The following AGAP1 variants were observed in gnomAD, a reference collection of about 807,000 sequenced individuals.
AGAP1 encodes arf-GAP with GTPase, ANK repeat and PH domain-containing protein 1.
In AGAP1, 29 loss-of-function variants were observed where a neutral mutation model predicts 105.3. The observed-to-expected ratio is 0.28, with a 90% CI of 0.21 to 0.38. The LOEUF (loss-of-function observed/expected upper bound fraction) is 0.38. Ranked by LOEUF, AGAP1 falls within the 10% of genes least tolerant of loss-of-function variation. The pLI is 1.00. For missense variants in AGAP1, 998 were observed against 1,165.1 expected (o/e 0.86, Z 2.09); for synonymous variants, 509 against 485.9 (o/e 1.05, Z -0.63).
intron 11 of AGAP1, among the ~76,000 whole-genome samples, chr2:235,911,639 G>C (rs1465503799): frequency 6.6e-6 from 1 of 152,258 alleles, no homozygotes; most frequent in Non-Finnish European, 1.5e-5. Flanking sequence ...GGAGTCGGCT[G>C]TGGCATGGGC....
intron 6 of AGAP1, among the ~76,000 whole-genome samples, chr2:235,756,044 C>T (rs540419926): frequency 3.3e-5 from 5 of 152,322 alleles, no homozygotes; most frequent in South Asian, 4.1e-4. Context: ...GAGCATTACA[C>T]GTGCACCTTG....
chr2:235,903,170 T>C (rs1043196429), intron 10 of AGAP1, among the ~76,000 whole-genome samples: 2 of 152,190 alleles, frequency 1.3e-5, no homozygotes, highest in Admixed American at 1.3e-4. Flanking sequence ...TCAACATACA[T>C]GTACAGTTAT....
Position 236,014,429 on chromosome 2 carries a change from C to T in AGAP1, c.1646-22132C>T, listed in dbSNP as rs968127284. ...TTTGGCCGAATCAAAGGGCTTGTGG[C>T]GACTGGCATCATAGCTCCTTCAAAG... On this transcript the variant is annotated intron_variant, in intron 13 of 17. Coordinates refer to ENST00000304032, the MANE Select transcript of AGAP1 (RefSeq NM_001037131.3). The surrounding 1 kb of genome is among the most constrained non-coding windows in gnomAD (Gnocchi z 6.3). Among the ~76,000 whole-genome samples, 13 of 152,188 alleles carry T rather than the reference C, an allele frequency of 8.5e-5. No homozygotes were observed. The highest frequency in any genetic ancestry group is 2.2e-4 in the African/African-American group (9 of 41,454).
chr2:235,930,670 A>G lies in AGAP1; in HGVS notation c.1325-95A>G, dbSNP rs906064066. 8.4e-5 allele frequency: 106 copies of G among 1,268,066 alleles called. No individual in the cohort carries two copies. The highest frequency in any genetic ancestry group is 2.6e-4 in the Admixed American group (12 of 45,364). 78.6% of individuals were successfully genotyped at this position (1,268,066 alleles called of 1,614,324 possible). Reference sequence around the variant, plus strand: ...GGGGCTGCTCTCGGTGGTAAGGTGCACTATGTGCCAGCGTGTGGGTCCCAT... The same window carrying G: ...GGGGCTGCTCTCGGTGGTAAGGTGCGCTATGTGCCAGCGTGTGGGTCCCAT... On this transcript the variant is annotated intron_variant, in intron 11 of 17. Transcript: ENST00000304032. The surrounding 1 kb of genome is among the most constrained non-coding windows in gnomAD (Gnocchi z 7.9).
intron 9 of AGAP1, among the ~76,000 whole-genome samples, chr2:235,871,389 C>G (rs965793087): frequency 6.6e-6 from 1 of 152,208 alleles, no homozygotes; most frequent in African/African-American, 2.4e-5. Context: ...TCACGAGGCA[C>G]TCTTGCTATG....
At chr2:235,969,486 A>G (rs1575924342) in intron 13 of AGAP1, among the ~76,000 whole-genome samples, 1 of 152,220 alleles carries the variant, frequency 6.6e-6, no homozygotes, top group South Asian at 2.1e-4. Flanking sequence ...CCGACATGGT[A>G]AAAGCGTGTC....
At chr2:235,616,984 A>G (rs575738661) in intron 1 of AGAP1, among the ~76,000 whole-genome samples, 1 of 152,036 alleles carries the variant, frequency 6.6e-6, no homozygotes, top group African/African-American at 2.4e-5. Context: ...TAAGCTTGGA[A>G]AGAGTTGAAA....
Position 236,050,005 on chromosome 2 carries a change from G to A in AGAP1, c.2114+724G>A, listed in dbSNP as rs1444245786. ...ATCTCCGTACTTGTCTAAAGCAAGT[G>A]GCTTCCAGGGTTGCTCATTTTCACC... On this transcript the variant is annotated intron_variant, in intron 16 of 17. Coordinates refer to ENST00000304032, the MANE Select transcript of AGAP1 (RefSeq NM_001037131.3). This position sits in a 1 kb window ranked among gnomAD's most constrained non-coding sequence, Gnocchi z 4.0. Among the ~76,000 whole-genome samples, 1 of 152,190 alleles carries A rather than the reference G, an allele frequency of 6.6e-6. No individual in the cohort carries two copies. The highest frequency in any genetic ancestry group is 1.9e-4 in the East Asian group (1 of 5,194).
At chr2:235,607,078 C>T (rs1945966766) in intron 1 of AGAP1, among the ~76,000 whole-genome samples, 1 of 151,184 alleles carries the variant, frequency 6.6e-6, no homozygotes, top group African/African-American at 2.4e-5. Flanking sequence ...TTATTGTTTA[C>T]ATCCCACTGA....
chr2:235,803,579 T>A (rs1478899365), intron 8 of AGAP1, among the ~76,000 whole-genome samples: 6 of 152,186 alleles, frequency 3.9e-5, no homozygotes. Context: ...TATTAGAACA[T>A]CATAAAGAGG....
At chr2:235,696,277 C>A (rs1287346524) in intron 1 of AGAP1, among the ~76,000 whole-genome samples, 5 of 152,190 alleles carry the variant, frequency 3.3e-5, no homozygotes, top group African/African-American at 1.2e-4. Context: ...AACTCCTGAC[C>A]TCGGGTGATC....
rs186550434 is a variant in AGAP1 at position 235,703,804 on chromosome 2, C to T, written c.164-5375C>T. ...TAGAGATGGAGTTTTGCCATGTTGACGAGGCTAGTCTGGAACTCCTGACCT... is the reference window on the plus strand; with the variant it reads ...TAGAGATGGAGTTTTGCCATGTTGATGAGGCTAGTCTGGAACTCCTGACCT... On this transcript the variant is annotated intron_variant, in intron 1 of 17. Coordinates refer to ENST00000304032, the MANE Select transcript of AGAP1 (RefSeq NM_001037131.3). Among the ~76,000 whole-genome samples, 134 of 152,176 alleles carry T rather than the reference C, an allele frequency of 8.8e-4. 1 individual carries two copies. The highest frequency in any genetic ancestry group is 3.0e-3 in the African/African-American group (125 of 41,518).
Position 235,883,842 on chromosome 2 carries a change from A to G in AGAP1, c.1155+393A>G, listed in dbSNP as rs1406924855. Among the ~76,000 whole-genome samples, 2 of 152,218 alleles carry G rather than the reference A, an allele frequency of 1.3e-5. No individual in the cohort carries two copies. The highest frequency in any genetic ancestry group is 2.9e-5 in the Non-Finnish European group (2 of 68,042). On this transcript the variant is annotated intron_variant, in intron 10 of 17. Transcript: ENST00000304032. The surrounding 1 kb of genome is among the most constrained non-coding windows in gnomAD (Gnocchi z 4.5). The stretch of plus-strand genomic sequence containing the variant: ...CAGGATTTAGCTTTGAAAAGCTGTG[A>G]ACAATAATCAGAAGTCAAATGCAAT...
chr2:235,686,637 A>ATATATATAGATATATATATATATATATC (rs1949431845), intron 1 of AGAP1, among the ~76,000 whole-genome samples: 1 of 51,706 alleles, frequency 1.9e-5, no homozygotes, highest in Non-Finnish European at 3.8e-5. Context: ...ATATATATAT[A>ATATATATAGATATATATATATATATATC]TATATATAGA....
chr2:235,928,327 G>C (rs1214388999), intron 11 of AGAP1, among the ~76,000 whole-genome samples: 3 of 152,234 alleles, frequency 2.0e-5, no homozygotes, highest in African/African-American at 4.8e-5. Context: ...GATTGAGAGA[G>C]AGAAGGGGAA....
At chr2:235,803,942 A>C (rs1957710500) in intron 8 of AGAP1, among the ~76,000 whole-genome samples, 1 of 152,216 alleles carries the variant, frequency 6.6e-6, no homozygotes, top group South Asian at 2.1e-4. Context: ...AGAGCAATTA[A>C]TTTAGTTTAG....
At chr2:235,913,004 C>T (rs2317011) in intron 11 of AGAP1, among the ~76,000 whole-genome samples, 127,380 of 152,154 alleles carry the variant, frequency 0.84, 53,684 homozygotes, top group East Asian at 1. Context: ...CTGAGAACTC[C>T]TTGTATATTT....
rs996363405 is a variant in AGAP1, at chr2:236,051,983, G to A, written c.2114+2702G>A. Among the ~76,000 whole-genome samples, 2 of 152,108 alleles carry A rather than the reference G, an allele frequency of 1.3e-5. No homozygotes were observed. Among genetic ancestry groups the A allele is most frequent in the African/African-American group, 2.4e-5 (1 of 41,406 alleles). ...GTCGGGGCTGGAATCTCCGCAAGCC[G>A]GTCTGTCCATGACGTGAGAAGATTC... On this transcript the variant is annotated intron_variant, in intron 16 of 17. Transcript: ENST00000304032. The surrounding 1 kb of genome is among the most constrained non-coding windows in gnomAD (Gnocchi z 5.9).
intron 6 of AGAP1, among the ~76,000 whole-genome samples, chr2:235,784,894 G>C (rs1956525157): frequency 6.6e-6 from 1 of 152,104 alleles, no homozygotes; most frequent in South Asian, 2.1e-4. Flanking sequence ...TGGGTGCTGG[G>C]GAGAGTATTA....
Sources: allele counts gnomAD v4.1 joint callset (sites outside exome capture counted in the v4.1 genomes callset), GRCh38; gene constraint gnomAD v4.1.1; non-coding constraint Gnocchi (gnomAD v3.1); transcripts MANE v1.5; gene names NCBI Gene and HGNC (gene_info 2026-07-23, HGNC 2026-07-21).